RBP7: variants seen among roughly 807,000 people sequenced by gnomAD.
RBP7 encodes the protein retinoid-binding protein 7.
Under a neutral mutation model 16.7 loss-of-function variants are expected in RBP7, and 13 were observed. The ratio of observed to expected loss-of-function variants is 0.78; its 90% CI spans 0.51 to 1.24. The LOEUF (loss-of-function observed/expected upper bound fraction) is 1.24. Among genes scored for constraint, RBP7 ranks in the 50% most tolerant of loss-of-function variants. RBP7 has a pLI of 0.00. For missense variants in RBP7, 145 were observed against 159.5 expected (o/e 0.91, Z 0.49); for synonymous variants, 54 against 56.2 (o/e 0.96, Z 0.17).
intron 3 of RBP7, among the ~76,000 whole-genome samples, chr1:10,014,594 C>T (rs1010995315): frequency 6.6e-6 from 1 of 151,974 alleles, no homozygotes; most frequent in South Asian, 2.1e-4. Context: ...GCCATGTTGG[C>T]CAGGCTGATC....
intron 3 of RBP7, among the ~76,000 whole-genome samples, chr1:10,008,752 GA>G (rs1642524759): frequency 6.6e-6 from 1 of 151,816 alleles, no homozygotes; most frequent in Non-Finnish European, 1.5e-5. Flanking sequence ...CATCTCTACT[GA>G]AAATACAAAA....
At chr1:10,011,832 G>A (rs1038082439) in intron 3 of RBP7, among the ~76,000 whole-genome samples, 16 of 152,030 alleles carry the variant, frequency 1.1e-4, no homozygotes, top group Non-Finnish European at 1.8e-4. Flanking sequence ...TGAGGCAGGC[G>A]GATCACCTGA....
In RBP7 at chr1:9,997,353, G is replaced by T. The variant is rs1352279945; in HGVS notation, c.73+22G>T. On this transcript the variant is annotated intron_variant, in intron 1 of 3. Transcript: ENST00000294435. This position sits in a 1 kb window ranked among gnomAD's most constrained non-coding sequence, Gnocchi z 5.9. ...CTAGGTAAGGCGGAGGGGAGGCGGCGGCGGCGCGAGGCTCGCCGTGGGTCT... is the reference window on the plus strand; with the variant it reads ...CTAGGTAAGGCGGAGGGGAGGCGGCTGCGGCGCGAGGCTCGCCGTGGGTCT... 1 of 1,606,234 alleles carries T rather than the reference G, an allele frequency of 6.2e-7. No homozygotes were observed. Among genetic ancestry groups the T allele is most frequent in the Admixed American group, 1.7e-5 (1 of 59,712 alleles).
intron 1 of RBP7, among the ~76,000 whole-genome samples, chr1:10,003,688 C>T (rs1642341197): frequency 6.6e-6 from 1 of 152,218 alleles, no homozygotes. Context: ...CGCTCTGGGG[C>T]TCACCTGCCC....
chr1:10,010,917 C>A (rs1642599590), intron 3 of RBP7, among the ~76,000 whole-genome samples: 1 of 152,054 alleles, frequency 6.6e-6, no homozygotes, highest in African/African-American at 2.4e-5. Context: ...TTAGTAGAGA[C>A]ATGGTTTTGC....
At chr1:9,999,380 C>A (rs1320250490) in intron 1 of RBP7, among the ~76,000 whole-genome samples, 1 of 151,998 alleles carries the variant, frequency 6.6e-6, no homozygotes, top group Non-Finnish European at 1.5e-5. Flanking sequence ...AACCCCGTCT[C>A]AACTAAAAAT....
chr1:9,997,381 G>C lies in RBP7; in HGVS notation c.73+50G>C, dbSNP rs760076828. 1.4e-5 allele frequency: 22 copies of C among 1,581,740 alleles called. No individual in the cohort carries two copies. In the South Asian group the frequency reaches 2.5e-4, roughly 18 times the overall value. On this transcript the variant is annotated intron_variant, in intron 1 of 3. Transcript: ENST00000294435. This position sits in a 1 kb window ranked among gnomAD's most constrained non-coding sequence, Gnocchi z 5.9. ...GGCGCGAGGCTCGCCGTGGGTCTCGGGATCAGGCGAAGGCGGCCGGGCCGG... is the reference window on the plus strand; with the variant it reads ...GGCGCGAGGCTCGCCGTGGGTCTCGCGATCAGGCGAAGGCGGCCGGGCCGG...
At chr1:10,009,484 T>C (rs1320504091) in intron 3 of RBP7, among the ~76,000 whole-genome samples, 2 of 151,212 alleles carry the variant, frequency 1.3e-5, no homozygotes, top group African/African-American at 4.9e-5. Context: ...TCCAAAGAAA[T>C]GGGGTCAGTA....
Position 10,015,953 on chromosome 1 carries a change from C to A in RBP7, c.*121C>A. On this transcript the variant is annotated 3_prime_UTR_variant, in exon 4 of 4. Transcript: ENST00000294435. The stretch of plus-strand genomic sequence containing the variant: ...GGACTCGTGGCTGGAGAGAGCCACA[C>A]AGCGTGTAACCTGAAGTCATCTAGA... 2 of 828,892 alleles carry A rather than the reference C, an allele frequency of 2.4e-6. No individual in the cohort carries two copies. The highest frequency in any genetic ancestry group is 4.0e-6 in the Non-Finnish European group (2 of 496,290). The allele number at this position is 828,892 out of a possible 1,614,324, so 51.3% of individuals were successfully genotyped here.
intron 2 of RBP7, 99 bp downstream of exon 2, chr1:10,007,847 G>GACC: frequency 9.1e-7 from 1 of 1,100,354 alleles, no homozygotes; most frequent in Non-Finnish European, 1.3e-6. Flanking sequence ...AGTAGTTTGA[G>GACC]ACCAGCCTGG....
In RBP7 at chr1:9,997,251, C is replaced by T. The variant is rs1399619026; in HGVS notation, c.-8C>T. On this transcript the variant is annotated 5_prime_UTR_variant, in exon 1 of 4. Coordinates refer to ENST00000294435, the MANE Select transcript of RBP7 (RefSeq NM_052960.3). The surrounding 1 kb of genome is among the most constrained non-coding windows in gnomAD (Gnocchi z 5.9). ...CCGCCCGCCGGGTTTGTCCCGCGAT[C>T]CCCGACCATGCCCGCCGACCTCAGC... 6.3e-7 allele frequency: 1 copy of T among 1,580,360 alleles called. No homozygotes were observed. The highest frequency in any genetic ancestry group is 8.6e-7 in the Non-Finnish European group (1 of 1,159,654).
intron 3 of RBP7, among the ~76,000 whole-genome samples, chr1:10,014,873 G>A (rs1642736053): frequency 6.6e-6 from 1 of 152,166 alleles, no homozygotes; most frequent in South Asian, 2.1e-4. Context: ...AAGCTGGGGG[G>A]AGTCTCGTGA....
At position 9,997,558 on chromosome 1, in the gene RBP7, C is replaced by A. The variant is rs1254980789; in HGVS notation, c.73+227C>A. Among the ~76,000 whole-genome samples the A allele has an allele frequency of 6.6e-6, 1 of 151,944 alleles. No homozygotes were observed. The highest frequency in any genetic ancestry group is 1.9e-4 in the East Asian group (1 of 5,136). On this transcript the variant is annotated intron_variant, in intron 1 of 3. Transcript: ENST00000294435. The surrounding 1 kb of genome is among the most constrained non-coding windows in gnomAD (Gnocchi z 5.9). Reference sequence around the variant, plus strand: ...CAGTCCGTCCTTTCCCGCGCCCACCCGCCCCCCTGTCCCCACGGCCGTCTC... The same window carrying A: ...CAGTCCGTCCTTTCCCGCGCCCACCAGCCCCCCTGTCCCCACGGCCGTCTC...
chr1:10,005,855 G>A (rs1258884184), intron 1 of RBP7, among the ~76,000 whole-genome samples: 1 of 151,980 alleles, frequency 6.6e-6, no homozygotes, highest in Non-Finnish European at 1.5e-5. Flanking sequence ...GAGCCACCAC[G>A]GCTGGCAGAA....
At chr1:10,011,333 C>G (rs1212886464) in intron 3 of RBP7, among the ~76,000 whole-genome samples, 1 of 151,970 alleles carries the variant, frequency 6.6e-6, no homozygotes, top group Non-Finnish European at 1.5e-5. Context: ...TTAAGATCAA[C>G]AGTAGAGGGA....
At chr1:10,015,241 A>G (rs796775342) in intron 3 of RBP7, among the ~76,000 whole-genome samples, 35 of 152,210 alleles carry the variant, frequency 2.3e-4, no homozygotes, top group African/African-American at 7.9e-4. Context: ...GGAGTTCAAG[A>G]ACAGCCTGGC....
chr1:9,998,531 T>A (rs1034969383), intron 1 of RBP7, among the ~76,000 whole-genome samples: 1 of 149,874 alleles, frequency 6.7e-6, no homozygotes, highest in Non-Finnish European at 1.5e-5. Flanking sequence ...CCTCAGCCTC[T>A]CCGAGTAGCT....
chr1:10,008,473 G>A (rs549752353), intron 3 of RBP7, among the ~76,000 whole-genome samples, 199 bp downstream of exon 3: 8 of 142,646 alleles, frequency 5.6e-5, no homozygotes, highest in South Asian at 2.2e-4. Flanking sequence ...ATGGAGTATC[G>A]CTGTGTCACC....
At chr1:10,011,221 C>T (rs924894467) in intron 3 of RBP7, among the ~76,000 whole-genome samples, 1 of 151,956 alleles carries the variant, frequency 6.6e-6, no homozygotes, top group African/African-American at 2.4e-5. Context: ...AACATTCCAT[C>T]TTAGACAACG....
Sources: allele counts gnomAD v4.1 joint callset (sites outside exome capture counted in the v4.1 genomes callset), GRCh38; gene constraint gnomAD v4.1.1; non-coding constraint Gnocchi (gnomAD v3.1); transcripts MANE v1.5; gene names NCBI Gene and HGNC (gene_info 2026-07-23, HGNC 2026-07-21).